Variants in TRHDE observed in about 807,000 individuals in gnomAD.
The protein encoded by TRHDE is thyrotropin releasing hormone degrading enzyme, also known as thyrotropin-releasing hormone-degrading ectoenzyme.
A neutral mutation model predicts 125.7 loss-of-function variants in TRHDE; 72 were observed. That is an observed-to-expected ratio of 0.57 (90% CI 0.47 to 0.70). TRHDE has a LOEUF of 0.70. TRHDE is among the 30% of genes least tolerant of loss of function. TRHDE has a pLI of 0.00. For missense variants in TRHDE, 1,110 were observed against 1,327.1 expected, an observed-to-expected ratio of 0.84 and a Z score of 2.54; for synonymous variants, 509 against 509.1, an observed-to-expected ratio of 1.00 and a Z score of 0.00.
chr12:72,526,267 A>G (rs1868336064), intron 6 of TRHDE, among the ~76,000 whole-genome samples: 1 of 152,126 alleles, frequency 6.6e-6, no homozygotes, highest in Non-Finnish European at 1.5e-5. Context: ...GAGCAAATAC[A>G]TGTATTCTAC....
chr12:72,242,617 T>TC (rs1163957909), intron 2 of TRHDE, among the ~76,000 whole-genome samples: 7 of 152,164 alleles, frequency 4.6e-5, no homozygotes, highest in African/African-American at 1.7e-4. Flanking sequence ...TTGAGATGTT[T>TC]CCATCCACAC....
rs138069620 is a variant in TRHDE at position 72,131,531 on chromosome 12, T to C, written n.279+25779T>C. ...TCTTTTGGGAACTTTGTGTTTTCCCTTTATTGATTCACATGAGCTTTCATA... is the reference window on the plus strand; with the variant it reads ...TCTTTTGGGAACTTTGTGTTTTCCCCTTATTGATTCACATGAGCTTTCATA... On this transcript the variant is annotated intron_variant and non_coding_transcript_variant, in intron 2 of 4. Coordinates refer to the TRHDE transcript ENST00000548156. 4.3e-3 allele frequency among the ~76,000 whole-genome samples: 651 copies of C among 152,346 alleles called. 5 individuals carry two copies. The highest frequency in any genetic ancestry group is 0.015 in the African/African-American group (613 of 41,580).
intron 2 of TRHDE, among the ~76,000 whole-genome samples, chr12:72,359,431 A>G (rs530798722): frequency 6.6e-6 from 1 of 151,854 alleles, no homozygotes; most frequent in South Asian, 2.1e-4. Flanking sequence ...AAAACAACAC[A>G]GAAAAACTAT....
At chr12:72,491,269 G>A (rs566906996) in intron 5 of TRHDE, among the ~76,000 whole-genome samples, 30 of 151,930 alleles carry the variant, frequency 2.0e-4, no homozygotes, top group Non-Finnish European at 3.1e-4. Context: ...TTTTTGGGCC[G>A]CGAGAATCAG....
At chr12:72,103,836 C>T (rs1399226990) in intron 1 of TRHDE, among the ~76,000 whole-genome samples, 2 of 152,098 alleles carry the variant, frequency 1.3e-5, no homozygotes, top group Non-Finnish European at 2.9e-5. Context: ...AATAAATTGT[C>T]CATTATTAAG....
rs1879369971 is a variant in TRHDE, at chr12:72,273,842, A to G, written c.914+285A>G. The G allele has an allele frequency of 2.6e-6, 1 of 385,368 alleles. No homozygotes were observed. 23.9% of individuals were successfully genotyped at this position (385,368 alleles called of 1,614,324 possible). ...CTCTTCCTGTCAGAGTTCCTTAGCC[A>G]TCGAAACGCAGGGCTCTTTTTCTGA... On this transcript the variant is annotated intron_variant, in intron 1 of 18. Transcript: ENST00000261180. The surrounding 1 kb of genome is among the most constrained non-coding windows in gnomAD (Gnocchi z 5.3).
chr12:72,435,375 A>T (rs1874692097), intron 3 of TRHDE, among the ~76,000 whole-genome samples: 1 of 152,058 alleles, frequency 6.6e-6, no homozygotes, highest in African/African-American at 2.4e-5. Context: ...GTTCATTGGC[A>T]TTGGTGTTCT....
intron 6 of TRHDE, among the ~76,000 whole-genome samples, chr12:72,535,601 A>G (rs193166690): frequency 6.6e-6 from 1 of 151,842 alleles, no homozygotes; most frequent in East Asian, 1.9e-4. Flanking sequence ...TCTTTTTTGT[A>G]ATCAACTTGT....
intron 2 of TRHDE, among the ~76,000 whole-genome samples, chr12:72,307,524 G>C (rs1868363328): frequency 1.3e-5 from 2 of 152,094 alleles, no homozygotes; most frequent in Non-Finnish European, 2.9e-5. Flanking sequence ...GTACTATAGT[G>C]GGGTAAGGCT....
intron 15 of TRHDE, among the ~76,000 whole-genome samples, chr12:72,641,114 G>A (rs755649225): frequency 1.1e-4 from 17 of 152,120 alleles, no homozygotes; most frequent in Non-Finnish European, 2.1e-4. Context: ...TGGATCTAGA[G>A]GCAGTTACTG....
chr12:72,537,416 T>A (rs1868921121), intron 6 of TRHDE, among the ~76,000 whole-genome samples: 1 of 151,862 alleles, frequency 6.6e-6, no homozygotes, highest in Non-Finnish European at 1.5e-5. Context: ...CGAATTCACA[T>A]GAGATCTGAT....
At chr12:72,625,208 G>A (rs930000950) in intron 15 of TRHDE, among the ~76,000 whole-genome samples, 3 of 151,790 alleles carry the variant, frequency 2.0e-5, no homozygotes, top group African/African-American at 4.8e-5. Flanking sequence ...TTGACCAGAA[G>A]TTAAATATGT....
chr12:72,135,518 C>G (rs1875964047), intron 2 of TRHDE, among the ~76,000 whole-genome samples: 1 of 150,854 alleles, frequency 6.6e-6, no homozygotes, highest in Non-Finnish European at 1.5e-5. Flanking sequence ...GGACAACCTG[C>G]TTTCATGGTT....
intron 5 of TRHDE, among the ~76,000 whole-genome samples, chr12:72,478,849 T>C (rs1010541649): frequency 2.7e-5 from 4 of 148,194 alleles, no homozygotes; most frequent in Non-Finnish European, 5.9e-5. Flanking sequence ...TCAAAAAGAA[T>C]GTCAGAGTTA....
At chr12:72,294,085 C>T (rs1880194557) in intron 2 of TRHDE, among the ~76,000 whole-genome samples, 4 of 152,188 alleles carry the variant, frequency 2.6e-5, no homozygotes. Context: ...CACAGGGCCC[C>T]AAAGAGGGAG....
intron 2 of TRHDE, among the ~76,000 whole-genome samples, chr12:72,370,771 C>G (rs141142805): frequency 3.3e-5 from 5 of 150,284 alleles, no homozygotes; most frequent in African/African-American, 1.2e-4. Flanking sequence ...GAGATGGAGT[C>G]TTGCTCTGTC....
intron 6 of TRHDE, among the ~76,000 whole-genome samples, chr12:72,532,022 T>G (rs1274858152): frequency 6.6e-6 from 1 of 152,108 alleles, no homozygotes. Flanking sequence ...AGGTTAATTT[T>G]AGGATATTTG....
intron 6 of TRHDE, among the ~76,000 whole-genome samples, 161 bp from the exon 7 acceptor site, chr12:72,542,130 T>C (rs577415680): frequency 1.3e-5 from 2 of 151,498 alleles, no homozygotes; most frequent in Admixed American, 1.3e-4. Context: ...AAAAATGAAA[T>C]TGTTATCACT....
chr12:72,621,208 A>G lies in TRHDE; in HGVS notation c.2567+3A>G, dbSNP rs1873039943. The G allele has an allele frequency of 6.3e-7, 1 of 1,590,374 alleles. No homozygotes were observed. Among genetic ancestry groups the G allele is most frequent in the Non-Finnish European group, 8.6e-7 (1 of 1,159,128 alleles). On this transcript the variant is annotated splice_donor_region_variant and intron_variant, in intron 14 of 18. Transcript: ENST00000261180. The stretch of plus-strand genomic sequence containing the variant: ...GTTCAAGCATCCTACCAACATGAGT[A>G]CTGTTTTATTTTCTTATCCTCTTCT...
Sources: gnomAD v4.1 joint callset for allele counts (sites outside exome capture counted in the v4.1 genomes callset) on GRCh38, gnomAD v4.1.1 for gene constraint, Gnocchi (gnomAD v3.1) non-coding constraint, MANE v1.5 for transcripts, NCBI Gene and HGNC (gene_info 2026-07-23, HGNC 2026-07-21) for gene names.